Variants in SS18L2 observed in about 807,000 individuals in gnomAD.
The protein encoded by SS18L2 is SS18-like protein 2.
A neutral mutation model predicts 10.3 loss-of-function variants in SS18L2; 8 were observed. That is an observed-to-expected ratio of 0.78 (90% CI 0.46 to 1.41). The LOEUF (loss-of-function observed/expected upper bound fraction) is 1.41, where lower values mean the gene tolerates loss of function less well. Among genes scored for constraint, SS18L2 ranks in the 40% most tolerant of loss-of-function variants. The pLI, the probability that SS18L2 is intolerant of heterozygous loss-of-function variation, is 0.00. For synonymous variants in SS18L2, 41 were observed against 34.6 expected, an observed-to-expected ratio of 1.19 and a Z score of -0.65; for missense variants, 100 against 96.2, an observed-to-expected ratio of 1.04 and a Z score of -0.17.
At chr3:42,587,166 A>G (rs1415167980), upstream of SS18L2, among the ~76,000 whole-genome samples, 3 of 152,054 alleles carry the variant, frequency 2.0e-5, no homozygotes, top group Admixed American at 1.3e-4. Context: ...AACTTTCACC[A>G]TGTTACAGCC....
At position 42,590,910 on chromosome 3, in the gene SS18L2, T is replaced by C; in HGVS notation, c.13T>C (p.Phe5Leu). 2 of 1,602,004 alleles carry C rather than the reference T, an allele frequency of 1.2e-6. No homozygotes were observed. Among genetic ancestry groups the C allele is most frequent in the Non-Finnish European group, 1.7e-6 (2 of 1,173,016 alleles). ...GAGGTTCCTCGGGATGTCGGTGGCC[T>C]TCGTACCGGACTGGCTGAGGGGCAA... MSVA[F>L]VPDWLRGKAE... Residue 5 changes from phenylalanine to leucine, a missense_variant, in exon 1 of 3, where the codon TTC becomes CTC. By Grantham distance (22) the Phe-to-Leu change is conservative. Coordinates refer to ENST00000011691, the MANE Select transcript of SS18L2 (RefSeq NM_001370300.1).
chr3:42,585,953 C>T (rs894105510), upstream of SS18L2, among the ~76,000 whole-genome samples: 1 of 152,096 alleles, frequency 6.6e-6, no homozygotes, highest in African/African-American at 2.4e-5. Flanking sequence ...CCCCCTCCCC[C>T]GCTTGCTCTC....
Position 42,591,299 on chromosome 3 carries a change from A to G in SS18L2, c.70-226A>G, listed in dbSNP as rs543019884. Reference sequence around the variant, plus strand: ...CTGAAACCACCGCTTCCTGGCTTCAAGCGAGTCTCCTGCCTCAGCCTCCTG... The same window carrying G: ...CTGAAACCACCGCTTCCTGGCTTCAGGCGAGTCTCCTGCCTCAGCCTCCTG... On this transcript the variant is annotated intron_variant, in intron 1 of 2. Transcript: ENST00000011691. 1.1e-3 allele frequency: 626 copies of G among 585,574 alleles called. 1 individual carries two copies. The highest frequency in any genetic ancestry group is 1.6e-3 in the Non-Finnish European group (514 of 329,876). The allele number at this position is 585,574 out of a possible 1,614,324, so 36.3% of individuals were successfully genotyped here. A position where few individuals can be genotyped will look rare whatever the true frequency, so the allele number is the denominator to read the frequency against.
At position 42,584,178 on chromosome 3, in the gene SS18L2, C is replaced by T. The variant is rs375401926; in HGVS notation, c.-90+2220C>T. Among the ~76,000 whole-genome samples the T allele has an allele frequency of 1.3e-4, 20 of 152,280 alleles. No individual in the cohort carries two copies. The South Asian group carries it at 3.9e-3, about 30-fold the overall frequency. ...TAGATATCACATTGGTTCTCTCTCT[C>T]TGGAGAACCTTGACTAATACAGATG... On this transcript the variant is annotated intron_variant, in intron 1 of 3. Transcript: ENST00000447630.
chr3:42,584,269 T>C (rs565621416), intron 1 of SS18L2, among the ~76,000 whole-genome samples: 39 of 152,370 alleles, frequency 2.6e-4, no homozygotes, highest in African/African-American at 9.4e-4. Context: ...CACAGACTTT[T>C]TTTGAGGCTG....
chr3:42,589,394 A>G (rs1028873179), upstream of SS18L2, among the ~76,000 whole-genome samples: 12 of 152,214 alleles, frequency 7.9e-5, no homozygotes, highest in African/African-American at 2.7e-4. Flanking sequence ...ACTCAGGGGA[A>G]TAAAGCTCTA....
chr3:42,591,698 G>C (rs1350282950), intron 2 of SS18L2, 97 bp downstream of exon 2: 8 of 873,434 alleles, frequency 9.2e-6, no homozygotes, highest in Non-Finnish European at 1.5e-5. Context: ...GTGATTGATC[G>C]CAGTTAAGCC....
Position 42,591,461 on chromosome 3 carries a change from G to A in SS18L2, c.70-64G>A, listed in dbSNP as rs141059504. 4.6e-3 allele frequency: 5,675 copies of A among 1,245,024 alleles called. 214 individuals are homozygous for A. In the African/African-American group the frequency reaches 0.072, roughly 16 times the overall value. 77.1% of individuals were successfully genotyped at this position (1,245,024 alleles called of 1,614,324 possible). ...GCCTAGATCGGCCTCCCAAAGGGCCGGGGTTACAGGCGTGAGCCACTGCGC... is the reference window on the plus strand; with the variant it reads ...GCCTAGATCGGCCTCCCAAAGGGCCAGGGTTACAGGCGTGAGCCACTGCGC... On this transcript the variant is annotated intron_variant, in intron 1 of 2. Transcript: ENST00000011691.
chr3:42,590,780 T>G (rs368281842), upstream of SS18L2: 5 of 1,040,812 alleles, frequency 4.8e-6, no homozygotes, highest in East Asian at 7.1e-5. Flanking sequence ...CAGTCACAAA[T>G]GACGTCCCTT....
chr3:42,583,994 A>G (rs1193524873), intron 1 of SS18L2, among the ~76,000 whole-genome samples: 1 of 152,210 alleles, frequency 6.6e-6, no homozygotes, highest in African/African-American at 2.4e-5. Context: ...AGTCTAAGAC[A>G]GGGTAGTCTT....
upstream of SS18L2, among the ~76,000 whole-genome samples, chr3:42,587,735 C>CAA (rs34964951): frequency 6.6e-5 from 9 of 135,918 alleles, no homozygotes; most frequent in Admixed American, 7.6e-5. Context: ...GACTCCGTCT[C>CAA]AAAAAAAAAA....
chr3:42,592,186 G>A (rs748163223), intron 2 of SS18L2, among the ~76,000 whole-genome samples: 1 of 151,752 alleles, frequency 6.6e-6, no homozygotes, highest in Non-Finnish European at 1.5e-5. Flanking sequence ...CAGGTATTAC[G>A]CCCATTTTTT....
chr3:42,583,539 A>T (rs1704504083), intron 1 of SS18L2, among the ~76,000 whole-genome samples: 2 of 152,150 alleles, frequency 1.3e-5, no homozygotes, highest in South Asian at 4.1e-4. Context: ...CACCTTTGAG[A>T]CTTGGTTAGG....
Position 42,595,255 on chromosome 3 carries a change from T to C in SS18L2, c.*746T>C, listed in dbSNP as rs927155503. Reference sequence around the variant, plus strand: ...TTCACATGTTGTATTTTGTTGATGTTCCTTTAAGTCACTTAAAGAATACTT... The same window carrying C: ...TTCACATGTTGTATTTTGTTGATGTCCCTTTAAGTCACTTAAAGAATACTT... On this transcript the variant is annotated 3_prime_UTR_variant, in exon 3 of 3. Coordinates refer to ENST00000011691, the MANE Select transcript of SS18L2 (RefSeq NM_001370300.1). The C allele has an allele frequency of 1.3e-5, 2 of 152,250 alleles. No homozygotes were observed. The highest frequency in any genetic ancestry group is 4.8e-5 in the African/African-American group (2 of 41,460). 9.4% of individuals were successfully genotyped at this position (152,250 alleles called of 1,614,324 possible).
chr3:42,592,045 CACACACA>C (rs780349743), intron 2 of SS18L2, among the ~76,000 whole-genome samples: 1 of 152,162 alleles, frequency 6.6e-6, no homozygotes, highest in Non-Finnish European at 1.5e-5. Flanking sequence ...GTTAGTGACA[CACACACA>C]AAGACAAACA....
intron 1 of SS18L2, among the ~76,000 whole-genome samples, chr3:42,585,483 T>G (rs534152372): frequency 1.3e-5 from 2 of 152,368 alleles, no homozygotes; most frequent in East Asian, 3.9e-4. Context: ...CTTCTGCTAT[T>G]CTCTGAATTC....
chr3:42,591,367 T>C, intron 1 of SS18L2, 158 bp from the exon 2 acceptor site: 1 of 612,536 alleles, frequency 1.6e-6, no homozygotes, highest in South Asian at 1.9e-5. Flanking sequence ...CCCGGCTAAT[T>C]TTTGTATTTT....
At chr3:42,590,810 C>T, upstream of SS18L2, 4 of 1,349,712 alleles carry the variant, frequency 3.0e-6, no homozygotes, top group Admixed American at 3.4e-5. Flanking sequence ...GCCCTGTAGG[C>T]GGGAGCATCC....
At chr3:42,587,030 C>G (rs1332350345), upstream of SS18L2, among the ~76,000 whole-genome samples, 1 of 152,194 alleles carries the variant, frequency 6.6e-6, no homozygotes, top group Non-Finnish European at 1.5e-5. Context: ...TAAGGCCTGC[C>G]AAATCTACTT....
Sources: allele counts gnomAD v4.1 joint callset (sites outside exome capture counted in the v4.1 genomes callset), GRCh38; gene constraint gnomAD v4.1.1; transcripts MANE v1.5; gene names NCBI Gene and HGNC (gene_info 2026-07-23, HGNC 2026-07-21).